SLC17A1: variants seen among roughly 807,000 people sequenced by gnomAD.
SLC17A1 encodes the protein sodium-dependent phosphate transport protein 1.
SLC17A1 carries 51 observed loss-of-function variants against 53.5 expected under a neutral mutation model. That is an observed-to-expected ratio of 0.95 (90% CI 0.76 to 1.20). The LOEUF (loss-of-function observed/expected upper bound fraction) is 1.20. Ranked by LOEUF, SLC17A1 falls within the 50% of genes most tolerant of loss-of-function variation. SLC17A1 has a pLI of 0.00. For synonymous variants in SLC17A1, 179 were observed against 198.8 expected, an observed-to-expected ratio of 0.90 and a Z score of 0.84; for missense variants, 538 against 568.2, an observed-to-expected ratio of 0.95 and a Z score of 0.54.
intron 10 of SLC17A1, among the ~76,000 whole-genome samples, chr6:25,801,445 A>C (rs930844816): frequency 1.3e-5 from 2 of 152,182 alleles, no homozygotes; most frequent in Admixed American, 1.3e-4. Flanking sequence ...TAATTGGCCA[A>C]TCCTGGAAGC....
At chr6:25,783,610 C>G (rs1473875067) in intron 12 of SLC17A1, among the ~76,000 whole-genome samples, 1 of 152,160 alleles carries the variant, frequency 6.6e-6, no homozygotes, top group Non-Finnish European at 1.5e-5. Context: ...AAACACAGTG[C>G]ACACCAGTGG....
intron 10 of SLC17A1, among the ~76,000 whole-genome samples, chr6:25,802,676 A>C (rs1192176873): frequency 6.6e-6 from 1 of 151,996 alleles, no homozygotes; most frequent in African/African-American, 2.4e-5. Context: ...CATTTTAGAG[A>C]TATCAATTGA....
intron 12 of SLC17A1, among the ~76,000 whole-genome samples, chr6:25,785,305 T>A (rs1475845490): frequency 6.6e-6 from 1 of 152,158 alleles, no homozygotes; most frequent in Non-Finnish European, 1.5e-5. Context: ...ACACTATTTT[T>A]AAAAACCATC....
chr6:25,744,244 G>A, the SLC17A1 span, among the ~76,000 whole-genome samples: 89 of 152,326 alleles, frequency 5.8e-4, 3 homozygotes, highest in East Asian at 0.016. Context: ...TCTGAGTACA[G>A]GAGTGAAATG....
intron 12 of SLC17A1, among the ~76,000 whole-genome samples, chr6:25,792,645 T>G (rs1763526910): frequency 6.6e-6 from 1 of 152,200 alleles, no homozygotes; most frequent in South Asian, 2.1e-4. Flanking sequence ...TTCAATTTAA[T>G]GTGGACAAAA....
chr6:25,823,169 T>C (rs889763954), intron 3 of SLC17A1, among the ~76,000 whole-genome samples: 1 of 152,186 alleles, frequency 6.6e-6, no homozygotes. Context: ...TACTCCATTT[T>C]ATGGATGTGC....
chr6:25,772,139 T>C, the SLC17A1 span, among the ~76,000 whole-genome samples: 1 of 152,168 alleles, frequency 6.6e-6, no homozygotes, highest in Non-Finnish European at 1.5e-5. Flanking sequence ...ATATCAACCT[T>C]TAAAGTTTTT....
At chr6:25,827,216 G>A (rs1190400489) in intron 2 of SLC17A1, among the ~76,000 whole-genome samples, 4 of 152,054 alleles carry the variant, frequency 2.6e-5, no homozygotes, top group African/African-American at 9.7e-5. Flanking sequence ...TCCATTGGAG[G>A]AAAGTAAAGT....
chr6:25,819,363 T>C, intron 5 of SLC17A1, 148 bp downstream of exon 5: 1 of 730,434 alleles, frequency 1.4e-6, no homozygotes, highest in Non-Finnish European at 2.3e-6. Context: ...TTCTATACAA[T>C]TCTCTCATCT....
chr6:25,797,239 G>A (rs1310199617), intron 12 of SLC17A1, among the ~76,000 whole-genome samples: 1 of 152,152 alleles, frequency 6.6e-6, no homozygotes, highest in Non-Finnish European at 1.5e-5. Context: ...TATCCTGGCT[G>A]TCTCAGTTTC....
At chr6:25,761,217 C>T in the SLC17A1 span, among the ~76,000 whole-genome samples, 2 of 152,218 alleles carry the variant, frequency 1.3e-5, no homozygotes, top group African/African-American at 2.4e-5. Context: ...CAAACCATAA[C>T]TCAGGACAAA....
the SLC17A1 span, chr6:25,777,158 C>T: frequency 2.2e-5 from 13 of 591,030 alleles, no homozygotes; most frequent in South Asian, 8.3e-5. Flanking sequence ...TTTTTCTGGG[C>T]GTGAACAAGA....
At chr6:25,828,211 G>C (rs1387167598) in intron 2 of SLC17A1, among the ~76,000 whole-genome samples, 1 of 152,086 alleles carries the variant, frequency 6.6e-6, no homozygotes, top group East Asian at 1.9e-4. Context: ...CTGAAGTTCA[G>C]CCAGGCCAAT....
At chr6:25,726,042 T>G in the SLC17A1 span, 1 of 1,222,058 alleles carries the variant, frequency 8.2e-7, no homozygotes. Flanking sequence ...TTTTGTAACG[T>G]ACAGCCTTTT....
downstream of SLC17A1, among the ~76,000 whole-genome samples, chr6:25,782,635 G>A (rs1470400164): frequency 6.6e-6 from 1 of 152,114 alleles, no homozygotes; most frequent in East Asian, 1.9e-4. Flanking sequence ...TAGAGACTGG[G>A]TCTGCTCCGT....
intron 12 of SLC17A1, among the ~76,000 whole-genome samples, chr6:25,797,959 C>T (rs892122146): frequency 2.6e-5 from 4 of 152,084 alleles, no homozygotes; most frequent in African/African-American, 9.7e-5. Flanking sequence ...TGGATTTTGT[C>T]GAACATATTC....
chr6:25,758,609 T>G, the SLC17A1 span, among the ~76,000 whole-genome samples: 1 of 152,226 alleles, frequency 6.6e-6, no homozygotes, highest in African/African-American at 2.4e-5. Flanking sequence ...GAATGATATT[T>G]TGTATTTCTC....
chr6:25,779,492 T>G (rs1763199033), downstream of SLC17A1: 1 of 258,768 alleles, frequency 3.9e-6, no homozygotes, highest in Admixed American at 5.1e-5. Flanking sequence ...AAGCCAGACC[T>G]TGGGACCGAG....
At chr6:25,808,928 T>C (rs2151489034) in intron 10 of SLC17A1, among the ~76,000 whole-genome samples, 1 of 152,160 alleles carries the variant, frequency 6.6e-6, no homozygotes, top group African/African-American at 2.4e-5. Flanking sequence ...AAGATATTAT[T>C]GTATCAAAAA....
Sources: gnomAD v4.1 joint callset for allele counts (sites outside exome capture counted in the v4.1 genomes callset) on GRCh38, gnomAD v4.1.1 for gene constraint, MANE v1.5 for transcripts, NCBI Gene and HGNC (gene_info 2026-07-23, HGNC 2026-07-21) for gene names.